DCC: variants seen among roughly 807,000 people sequenced by gnomAD.
DCC encodes DCC netrin 1 receptor, also known as netrin receptor DCC.
Under a neutral mutation model 172.5 loss-of-function variants are expected in DCC, and 58 were observed. The ratio of observed to expected loss-of-function variants is 0.34; its 90% CI spans 0.27 to 0.42. The LOEUF (loss-of-function observed/expected upper bound fraction) is 0.42, where lower values mean the gene tolerates loss of function less well. Among genes scored for constraint, DCC ranks in the 10% least tolerant of loss-of-function variants. The pLI, the probability that DCC is intolerant of heterozygous loss-of-function variation, is 1.00. For synonymous variants in DCC, 709 were observed against 644.5 expected (o/e 1.10, Z -1.52); for missense variants, 1,740 against 1,791.0 (o/e 0.97, Z 0.51).
intron 27 of DCC, among the ~76,000 whole-genome samples, chr18:53,515,464 G>A (rs1320218803): frequency 1.3e-5 from 2 of 150,098 alleles, no homozygotes; most frequent in Non-Finnish European, 1.5e-5. Flanking sequence ...TTAGGCAGGA[G>A]AAGGAAATAA....
intron 2 of DCC, among the ~76,000 whole-genome samples, chr18:52,863,670 A>G (rs1598878361): frequency 6.6e-6 from 1 of 151,794 alleles, no homozygotes; most frequent in African/African-American, 2.4e-5. Context: ...AATATATTAT[A>G]AAACATAACT....
chr18:53,294,685 A>T (rs1267230870), intron 12 of DCC, among the ~76,000 whole-genome samples: 1 of 152,224 alleles, frequency 6.6e-6, no homozygotes, highest in African/African-American at 2.4e-5. Flanking sequence ...TGTCCCCACC[A>T]GAGAAATACT....
At chr18:52,676,202 A>T (rs978713261) in intron 1 of DCC, among the ~76,000 whole-genome samples, 1 of 152,216 alleles carries the variant, frequency 6.6e-6, no homozygotes, top group African/African-American at 2.4e-5. Flanking sequence ...TCAGCTAAGA[A>T]CTTTGGAGTC....
At chr18:53,521,140 T>C (rs1391589946) in intron 27 of DCC, among the ~76,000 whole-genome samples, 1 of 152,122 alleles carries the variant, frequency 6.6e-6, no homozygotes, top group African/African-American at 2.4e-5. Flanking sequence ...AAGGCAGTCA[T>C]CTGAGGTTTA....
chr18:52,771,692 T>C (rs995280694), intron 2 of DCC, among the ~76,000 whole-genome samples: 1 of 152,166 alleles, frequency 6.6e-6, no homozygotes, highest in African/African-American at 2.4e-5. Context: ...TCCTTTAATA[T>C]TGAGCAGTTT....
intron 1 of DCC, among the ~76,000 whole-genome samples, chr18:52,635,462 T>C (rs1238360032): frequency 6.6e-6 from 1 of 152,220 alleles, no homozygotes; most frequent in Non-Finnish European, 1.5e-5. Flanking sequence ...TATTACATAG[T>C]ATTAAAAAAC....
chr18:53,443,488 A>G (rs758464042), intron 22 of DCC, among the ~76,000 whole-genome samples: 5 of 152,218 alleles, frequency 3.3e-5, no homozygotes, highest in Non-Finnish European at 5.9e-5. Context: ...TAGTCACCCA[A>G]GAGCTCTGAT....
At chr18:52,491,607 A>G (rs762555340) in intron 1 of DCC, among the ~76,000 whole-genome samples, 8 of 152,158 alleles carry the variant, frequency 5.3e-5, no homozygotes, top group Non-Finnish European at 8.8e-5. Context: ...AGGCATTTCA[A>G]TAGTGCTGGT....
At chr18:52,872,931 A>G (rs1037991160) in intron 2 of DCC, among the ~76,000 whole-genome samples, 1 of 152,232 alleles carries the variant, frequency 6.6e-6, no homozygotes. Context: ...ATTATAAAAA[A>G]TAAGCTATTA....
chr18:52,973,102 G>A (rs1431452061), intron 5 of DCC, among the ~76,000 whole-genome samples: 5 of 152,172 alleles, frequency 3.3e-5, no homozygotes, highest in Non-Finnish European at 7.3e-5. Flanking sequence ...TTCAATCAAT[G>A]TTTGTTGAAT....
intron 12 of DCC, among the ~76,000 whole-genome samples, chr18:53,264,757 AT>A (rs559506784): frequency 2.0e-5 from 3 of 151,638 alleles, no homozygotes; most frequent in Admixed American, 1.3e-4. Context: ...AATTATCATC[AT>A]TTTTTTTGCT....
intron 1 of DCC, among the ~76,000 whole-genome samples, chr18:52,595,439 T>C (rs1284308750): frequency 6.6e-6 from 1 of 152,202 alleles, no homozygotes; most frequent in Non-Finnish European, 1.5e-5. Flanking sequence ...TCAAACCAAA[T>C]TATTTTCTCT....
At chr18:53,178,023 C>T (rs1177879954) in intron 8 of DCC, among the ~76,000 whole-genome samples, 1 of 151,980 alleles carries the variant, frequency 6.6e-6, no homozygotes, top group Non-Finnish European at 1.5e-5. Context: ...CGTATAATTC[C>T]ACTGAGAAGC....
chr18:53,321,159 C>A (rs552527436), intron 13 of DCC, among the ~76,000 whole-genome samples: 1 of 152,050 alleles, frequency 6.6e-6, no homozygotes. Context: ...GCATTTTTTT[C>A]TTGACACCAA....
In DCC at chr18:52,611,404, T is replaced by C. The variant is rs117339280; in HGVS notation, c.92-140650T>C. Among the ~76,000 whole-genome samples, 1,295 of 152,274 alleles carry C rather than the reference T, an allele frequency of 8.5e-3. 6 individuals are homozygous for C. Among genetic ancestry groups the C allele is most frequent in the Middle Eastern group, 0.014 (4 of 294 alleles). Reference sequence around the variant, plus strand: ...AATTTTTTATACACTCTCACACATGTTTTTCAGTACTCCGAGAGGCAGATG... The same window carrying C: ...AATTTTTTATACACTCTCACACATGCTTTTCAGTACTCCGAGAGGCAGATG... On this transcript the variant is annotated intron_variant, in intron 1 of 28. Coordinates refer to ENST00000442544, the MANE Select transcript of DCC (RefSeq NM_005215.4).
At chr18:52,921,748 G>A (rs982987618) in intron 3 of DCC, among the ~76,000 whole-genome samples, 1 of 150,500 alleles carries the variant, frequency 6.6e-6, no homozygotes, top group African/African-American at 2.4e-5. Flanking sequence ...AAAGGAAAAA[G>A]TGTCCCTTCC....
At chr18:52,756,502 T>C (rs543825437) in intron 2 of DCC, among the ~76,000 whole-genome samples, 1 of 152,306 alleles carries the variant, frequency 6.6e-6, no homozygotes, top group African/African-American at 2.4e-5. Flanking sequence ...ATAAACATAC[T>C]CTTAACAAAC....
Position 53,459,386 on chromosome 18 carries a change from T to G in DCC, c.3547T>G (p.Cys1183Gly). 6.2e-7 allele frequency: 1 copy of G among 1,614,030 alleles called. No individual in the cohort carries two copies. The highest frequency in any genetic ancestry group is 8.5e-7 in the Non-Finnish European group (1 of 1,179,990). The change falls in exon 24 of 29, where the codon TGC becomes GGC. Residue 1183 changes from cysteine (C) to glycine (G), a missense_variant. Coordinates refer to ENST00000442544, the MANE Select transcript of DCC (RefSeq NM_005215.4). Reference sequence around the variant, plus strand: ...AGGAAGGGACTCTCCCATCCAAAGTTGCCAAGACCTCACACCAGTCAGCCA... The same window carrying G: ...AGGAAGGGACTCTCCCATCCAAAGTGGCCAAGACCTCACACCAGTCAGCCA... ...PAGRDSPIQS[C>G]QDLTPVSHSQ...
intron 12 of DCC, among the ~76,000 whole-genome samples, chr18:53,256,051 G>A (rs186537991): frequency 6.6e-6 from 1 of 152,116 alleles, no homozygotes; most frequent in African/African-American, 2.4e-5. Context: ...CCCACTTTTT[G>A]ATGGGGTTGT....
Sources: gnomAD v4.1 joint callset for allele counts (sites outside exome capture counted in the v4.1 genomes callset) on GRCh38, gnomAD v4.1.1 for gene constraint, MANE v1.5 for transcripts, NCBI Gene and HGNC (gene_info 2026-07-23, HGNC 2026-07-21) for gene names.